Variants in ELMO1 observed in about 807,000 individuals in gnomAD.
ELMO1 encodes the protein engulfment and cell motility protein 1.
Under a neutral mutation model 98.9 loss-of-function variants are expected in ELMO1, and 26 were observed. The ratio of observed to expected loss-of-function variants is 0.26; its 90% CI spans 0.19 to 0.36. The LOEUF (loss-of-function observed/expected upper bound fraction) is 0.36, where lower values mean the gene tolerates loss of function less well. Ranked by LOEUF, ELMO1 falls within the 10% of genes least tolerant of loss-of-function variation. ELMO1 has a pLI of 1.00. For missense variants in ELMO1, 627 were observed against 935.2 expected, an observed-to-expected ratio of 0.67 and a Z score of 4.30; for synonymous variants, 346 against 346.0, an observed-to-expected ratio of 1.00 and a Z score of 0.00.
intron 14 of ELMO1, among the ~76,000 whole-genome samples, chr7:37,120,436 G>A (rs542160309): frequency 9.2e-5 from 14 of 152,300 alleles, no homozygotes; most frequent in South Asian, 2.1e-4. Flanking sequence ...CTAATACTGC[G>A]CTTTTCTGAC....
chr7:37,264,092 C>G (rs1297717660), intron 5 of ELMO1, among the ~76,000 whole-genome samples: 1 of 152,138 alleles, frequency 6.6e-6, no homozygotes, highest in East Asian at 1.9e-4. Flanking sequence ...TGAGAACATC[C>G]TCACGAGGCA....
In ELMO1 at chr7:37,155,503, A is replaced by AAAAAAAAAAAAAAT. The variant is rs61189239; in HGVS notation, c.1087-22270_1087-22269insATTTTTTTTTTTTT. 7.8e-3 allele frequency among the ~76,000 whole-genome samples: 1,024 copies of AAAAAAAAAAAAAAT among 131,396 alleles called. 5 individuals are homozygous for AAAAAAAAAAAAAAT. Among genetic ancestry groups the AAAAAAAAAAAAAAT allele is most frequent in the Non-Finnish European group, 0.011 (690 of 61,652 alleles). 86.2% of individuals were successfully genotyped at this position (131,396 alleles called of 152,430 possible). ...AACGGAAAGCAAAAAAAAAAAAAAA[A>AAAAAAAAAAAAAAT]AAAAAGCAGGTGTTGCAATCCTGGT... On this transcript the variant is annotated intron_variant, in intron 13 of 21. Transcript: ENST00000310758.
chr7:37,262,363 C>G (rs569351775), intron 5 of ELMO1, among the ~76,000 whole-genome samples: 1 of 152,276 alleles, frequency 6.6e-6, no homozygotes, highest in Admixed American at 6.5e-5. Context: ...AATATCCTAA[C>G]TTGCTGGGAT....
At chr7:37,228,691 A>G (rs1047649863) in intron 8 of ELMO1, among the ~76,000 whole-genome samples, 2 of 152,184 alleles carry the variant, frequency 1.3e-5, no homozygotes, top group Non-Finnish European at 2.9e-5. Context: ...AAATTCTCCT[A>G]TGTTATCAAA....
intron 18 of ELMO1, 22 bp from the exon 19 acceptor site, chr7:36,878,139 T>A (rs1804123178): frequency 6.3e-7 from 1 of 1,581,560 alleles, no homozygotes; most frequent in East Asian, 2.2e-5. Context: ...AACACAAGTT[T>A]ACAAGGTAAG....
At chr7:37,416,310 A>C (rs1199633248) in intron 1 of ELMO1, among the ~76,000 whole-genome samples, 2 of 152,256 alleles carry the variant, frequency 1.3e-5, no homozygotes, top group African/African-American at 4.8e-5. Context: ...TCAGGTTTTA[A>C]CCGTATGGAA....
intron 16 of ELMO1, among the ~76,000 whole-genome samples, chr7:37,000,410 A>G (rs187713809): frequency 1.3e-5 from 2 of 152,350 alleles, no homozygotes; most frequent in East Asian, 3.9e-4. Context: ...AATATGTGAA[A>G]GAGAAAGAAG....
intron 1 of ELMO1, among the ~76,000 whole-genome samples, chr7:37,380,027 G>C (rs1321018874): frequency 6.6e-6 from 1 of 152,126 alleles, no homozygotes; most frequent in Non-Finnish European, 1.5e-5. Context: ...GCATGCACTT[G>C]GATCCTCTCA....
At chr7:37,050,007 C>T (rs1393284104) in intron 15 of ELMO1, among the ~76,000 whole-genome samples, 7 of 151,820 alleles carry the variant, frequency 4.6e-5, no homozygotes, top group Non-Finnish European at 1.0e-4. Context: ...CTCGAACTCC[C>T]GACCTCAGGT....
intron 16 of ELMO1, among the ~76,000 whole-genome samples, chr7:36,907,331 T>G (rs1784035114): frequency 6.6e-6 from 1 of 152,234 alleles, no homozygotes; most frequent in Non-Finnish European, 1.5e-5. Flanking sequence ...GACACCCTCA[T>G]AAATCCCTAG....
chr7:37,042,002 T>G (rs1056510114), intron 15 of ELMO1, among the ~76,000 whole-genome samples: 3 of 151,900 alleles, frequency 2.0e-5, no homozygotes, highest in African/African-American at 7.3e-5. Flanking sequence ...GAGAGTTACA[T>G]GGCCGGGCAT....
At chr7:36,981,970 A>G (rs752966726) in intron 16 of ELMO1, among the ~76,000 whole-genome samples, 3 of 152,238 alleles carry the variant, frequency 2.0e-5, no homozygotes, top group Non-Finnish European at 4.4e-5. Context: ...CCTAGTGTGC[A>G]AGGAATGTTC....
intron 16 of ELMO1, among the ~76,000 whole-genome samples, chr7:37,008,739 G>A (rs1304348621): frequency 6.6e-6 from 1 of 152,096 alleles, no homozygotes; most frequent in African/African-American, 2.4e-5. Flanking sequence ...AGCAGATCCA[G>A]GATGAAAACC....
intron 1 of ELMO1, among the ~76,000 whole-genome samples, chr7:37,382,190 G>A (rs1318668779): frequency 1.3e-5 from 2 of 152,146 alleles, no homozygotes; most frequent in African/African-American, 4.8e-5. Context: ...GAAACCACTA[G>A]GATAGAGGGT....
chr7:36,857,722 A>C (rs574252726), intron 21 of ELMO1, among the ~76,000 whole-genome samples: 1 of 152,328 alleles, frequency 6.6e-6, no homozygotes, highest in East Asian at 1.9e-4. Context: ...CTGTCCCCAA[A>C]AAGGGCTAAA....
chr7:37,327,739 G>C (rs1488279011), intron 2 of ELMO1, among the ~76,000 whole-genome samples: 1 of 152,172 alleles, frequency 6.6e-6, no homozygotes, highest in Non-Finnish European at 1.5e-5. Context: ...TCTGCCAGCA[G>C]GTAGTGGAGG....
intron 15 of ELMO1, among the ~76,000 whole-genome samples, chr7:37,034,253 A>C (rs1297285784): frequency 6.6e-6 from 1 of 152,176 alleles, no homozygotes; most frequent in Non-Finnish European, 1.5e-5. Context: ...TGGTGCCCTT[A>C]TAAGAAGAGG....
At chr7:37,246,739 C>T (rs1032998425) in intron 6 of ELMO1, among the ~76,000 whole-genome samples, 4 of 151,372 alleles carry the variant, frequency 2.6e-5, no homozygotes, top group Non-Finnish European at 4.4e-5. Flanking sequence ...TATTTTACAA[C>T]GCTTTGTTAA....
At chr7:37,314,269 T>G (rs1056750444) in intron 4 of ELMO1, among the ~76,000 whole-genome samples, 1 of 152,278 alleles carries the variant, frequency 6.6e-6, no homozygotes, top group East Asian at 1.9e-4. Flanking sequence ...ACTCAATAAA[T>G]TCCAGTGTGC....
Sources: gnomAD v4.1 joint callset for allele counts (sites outside exome capture counted in the v4.1 genomes callset) on GRCh38, gnomAD v4.1.1 for gene constraint, MANE v1.5 for transcripts, NCBI Gene and HGNC (gene_info 2026-07-23, HGNC 2026-07-21) for gene names.